AP4S1: variants seen among roughly 807,000 people sequenced by gnomAD.
The protein encoded by AP4S1 is adaptor related protein complex 4 subunit sigma 1.
A neutral mutation model predicts 19.8 loss-of-function variants in AP4S1; 23 were observed. The observed-to-expected ratio is 1.16, with a 90% CI of 0.84 to 1.65. The LOEUF is 1.65. Ranked by LOEUF, AP4S1 falls within the 40% of genes most tolerant of loss-of-function variation. The pLI, the probability that AP4S1 is intolerant of heterozygous loss-of-function variation, is 0.00. For synonymous variants in AP4S1, 46 were observed against 54.1 expected (o/e 0.85, Z 0.66); for missense variants, 166 against 172.8 (o/e 0.96, Z 0.22).
chr14:31,055,907 G>T (rs571002748), intron 1 of AP4S1, among the ~76,000 whole-genome samples: 1 of 148,144 alleles, frequency 6.8e-6, no homozygotes, highest in South Asian at 2.2e-4. Context: ...GCAGTGGCAT[G>T]ATCTCGACTC....
chr14:31,085,749 G>A (rs919816851), intron 5 of AP4S1: 36 of 909,822 alleles, frequency 4.0e-5, no homozygotes, highest in Non-Finnish European at 4.6e-5. Flanking sequence ...CTCCAATCTG[G>A]CAACAGAGCG....
intron 1 of AP4S1, 59 bp downstream of exon 1, chr14:31,025,846 AC>A (rs1012155048): frequency 3.9e-6 from 6 of 1,553,874 alleles, no homozygotes; most frequent in Non-Finnish European, 2.6e-6. Flanking sequence ...CCCCAGCCCC[AC>A]CCCCCGGCCG....
At chr14:31,025,627 G>T, upstream of AP4S1, 1 of 510,206 alleles carries the variant, frequency 2.0e-6, no homozygotes, top group Non-Finnish European at 3.5e-6. Flanking sequence ...GCCGCCTCCG[G>T]AGGAGCCCCC....
rs557932041 is a variant in AP4S1 at position 31,035,982 on chromosome 14, G to A, written c.-72+10195G>A. Among the ~76,000 whole-genome samples, 242 of 151,996 alleles carry A rather than the reference G, an allele frequency of 1.6e-3. 1 individual carries two copies. The highest frequency in any genetic ancestry group is 2.9e-3 in the Non-Finnish European group (199 of 67,968). The stretch of plus-strand genomic sequence containing the variant: ...CCTGACCTGGTGATCCGCCCGCCTT[G>A]GCCTCCCAAAGTGCTGGGATTACAG... On this transcript the variant is annotated intron_variant, in intron 1 of 5. Coordinates refer to ENST00000542754, the MANE Select transcript of AP4S1 (RefSeq NM_001128126.3).
At chr14:31,043,994 A>G (rs1283843803) in intron 1 of AP4S1, among the ~76,000 whole-genome samples, 1 of 152,214 alleles carries the variant, frequency 6.6e-6, no homozygotes, top group Non-Finnish European at 1.5e-5. Context: ...AAATGTCACA[A>G]TAAATGAAAC....
chr14:31,032,788 C>T (rs1162338572), intron 1 of AP4S1, among the ~76,000 whole-genome samples: 3 of 152,170 alleles, frequency 2.0e-5, no homozygotes, highest in Non-Finnish European at 4.4e-5. Context: ...CCCGCCTCGG[C>T]CTCCCAAAGT....
chr14:31,071,352 A>T (rs1301599382), intron 3 of AP4S1, among the ~76,000 whole-genome samples: 3 of 152,178 alleles, frequency 2.0e-5, no homozygotes, highest in Non-Finnish European at 4.4e-5. Flanking sequence ...CAGGAAATAG[A>T]TCTAAGAACT....
chr14:31,047,530 T>A (rs940408944), intron 1 of AP4S1, among the ~76,000 whole-genome samples: 1 of 151,556 alleles, frequency 6.6e-6, no homozygotes, highest in Non-Finnish European at 1.5e-5. Context: ...TGGGACTACA[T>A]ACAGGCGCCC....
At chr14:31,052,643 A>G (rs1030405441) in intron 1 of AP4S1, among the ~76,000 whole-genome samples, 1 of 150,496 alleles carries the variant, frequency 6.6e-6, no homozygotes, top group African/African-American at 2.4e-5. Flanking sequence ...CAGGAGAATC[A>G]CTTGAACCTG....
chr14:31,079,262 A>G (rs1352939983), intron 4 of AP4S1, among the ~76,000 whole-genome samples: 1 of 152,124 alleles, frequency 6.6e-6, no homozygotes, highest in Non-Finnish European at 1.5e-5. Context: ...TATTTACAAA[A>G]TTTTAAAACA....
rs1887265565 is a variant in AP4S1 at position 31,074,755 on chromosome 14, G to GAC, written c.294+1783_294+1784insCA. 2.0e-5 allele frequency among the ~76,000 whole-genome samples: 3 copies of GAC among 152,180 alleles called. No individual in the cohort carries two copies. In the East Asian group the frequency reaches 5.8e-4, roughly 29 times the overall value. On this transcript the variant is annotated intron_variant, in intron 4 of 5. Coordinates refer to ENST00000542754, the MANE Select transcript of AP4S1 (RefSeq NM_001128126.3). ...TCTAGTGACAGATACTCAGGAGGATGAGGTGGGAGGATGTTAGGAAATTTC... is the reference window on the plus strand; with the variant it reads ...TCTAGTGACAGATACTCAGGAGGATGACAGGTGGGAGGATGTTAGGAAATTTC...
intron 1 of AP4S1, among the ~76,000 whole-genome samples, chr14:31,058,961 T>G (rs1178715432): frequency 6.6e-6 from 1 of 152,098 alleles, no homozygotes; most frequent in African/African-American, 2.4e-5. Flanking sequence ...CTAAGCATAT[T>G]CCCTTCTTAC....
chr14:31,034,101 A>G (rs1426585057), intron 1 of AP4S1, among the ~76,000 whole-genome samples: 1 of 152,266 alleles, frequency 6.6e-6, no homozygotes, highest in Non-Finnish European at 1.5e-5. Context: ...ATAATTTAAC[A>G]GGCTTGGTTT....
At chr14:31,035,987 C>A (rs1010657130) in intron 1 of AP4S1, among the ~76,000 whole-genome samples, 1 of 152,152 alleles carries the variant, frequency 6.6e-6, no homozygotes, top group Admixed American at 6.5e-5. Context: ...GCCTTGGCCT[C>A]CCAAAGTGCT....
chr14:31,060,983 G>A (rs1049050124), intron 1 of AP4S1, among the ~76,000 whole-genome samples: 2 of 151,856 alleles, frequency 1.3e-5, no homozygotes, highest in African/African-American at 2.4e-5. Flanking sequence ...TCCGCCTCCC[G>A]GGTTCAAACA....
intron 1 of AP4S1, among the ~76,000 whole-genome samples, chr14:31,050,164 C>T (rs1489041245): frequency 6.6e-6 from 1 of 151,964 alleles, no homozygotes; most frequent in African/African-American, 2.4e-5. Context: ...TCAGGTGATC[C>T]ACCTGCCTTG....
intron 4 of AP4S1, among the ~76,000 whole-genome samples, chr14:31,077,261 G>GT (rs564236388): frequency 5.3e-5 from 8 of 151,770 alleles, no homozygotes; most frequent in African/African-American, 7.3e-5. Context: ...TTTTAAAGTT[G>GT]TTTTTTTTCA....
At chr14:31,046,845 C>CA (rs577536911) in intron 1 of AP4S1, among the ~76,000 whole-genome samples, 6,607 of 60,438 alleles carry the variant, frequency 0.11, 572 homozygotes, top group African/African-American at 0.29. Flanking sequence ...GACTCCGTCT[C>CA]AAAAAAAAAA....
chr14:31,066,060 C>T (rs1277617291), intron 1 of AP4S1, 66 bp from the exon 2 acceptor site: 4 of 757,940 alleles, frequency 5.3e-6, no homozygotes, highest in Non-Finnish European at 8.7e-6. Flanking sequence ...TCTATAAAAA[C>T]ATTTAATATA....
Sources: gnomAD v4.1 joint callset for allele counts (sites outside exome capture counted in the v4.1 genomes callset) on GRCh38, gnomAD v4.1.1 for gene constraint, MANE v1.5 for transcripts, NCBI Gene and HGNC (gene_info 2026-07-23, HGNC 2026-07-21) for gene names.